Variants in BCAS1 observed in about 807,000 individuals in gnomAD.
BCAS1 encodes breast carcinoma-amplified sequence 1.
In BCAS1, 46 loss-of-function variants were observed where a neutral mutation model predicts 65.4. That is an observed-to-expected ratio of 0.70 (90% confidence interval 0.55 to 0.90). The LOEUF is 0.90. Among genes scored for constraint, BCAS1 ranks in the 40% least tolerant of loss-of-function variants. BCAS1 has a pLI of 0.00. For synonymous variants in BCAS1, 298 were observed against 293.5 expected (o/e 1.02, Z -0.16); for missense variants, 793 against 771.2 (o/e 1.03, Z -0.33).
intron 4 of BCAS1, among the ~76,000 whole-genome samples, chr20:54,022,082 A>G (rs2091572373): frequency 6.6e-6 from 1 of 152,194 alleles, no homozygotes; most frequent in Admixed American, 6.5e-5. Context: ...GTACTCCTGC[A>G]TACTTGGAAT....
At chr20:54,058,237 G>C in intron 2 of BCAS1, 83 bp from the exon 3 acceptor site, 2 of 1,223,746 alleles carry the variant, frequency 1.6e-6, no homozygotes, top group Non-Finnish European at 2.4e-6. Flanking sequence ...AAGATACAAG[G>C]GTGTCTCACA....
At chr20:54,006,653 T>C (rs1021830091) in intron 4 of BCAS1, among the ~76,000 whole-genome samples, 1 of 149,668 alleles carries the variant, frequency 6.7e-6, no homozygotes, top group Non-Finnish European at 1.5e-5. Flanking sequence ...GAGGTTGCAG[T>C]GAGCCAAGAT....
At chr20:53,999,813 C>A (rs558416743) in intron 4 of BCAS1, among the ~76,000 whole-genome samples, 167 of 152,280 alleles carry the variant, frequency 1.1e-3, no homozygotes, top group African/African-American at 3.8e-3. Flanking sequence ...TCACTGCAAC[C>A]TCTGTCTCCC....
intron 4 of BCAS1, among the ~76,000 whole-genome samples, chr20:54,024,754 G>A (rs1370341748): frequency 6.6e-6 from 1 of 152,188 alleles, no homozygotes; most frequent in Non-Finnish European, 1.5e-5. Context: ...CACTGTGTCG[G>A]ATTCAACTTG....
At chr20:53,956,026 C>T (rs1208486978) in intron 11 of BCAS1, among the ~76,000 whole-genome samples, 2 of 152,176 alleles carry the variant, frequency 1.3e-5, no homozygotes, top group African/African-American at 2.4e-5. Flanking sequence ...ACAGTCATTA[C>T]CGTCCATTTG....
At chr20:53,976,396 T>C (rs2090335107) in intron 8 of BCAS1, among the ~76,000 whole-genome samples, 1 of 152,158 alleles carries the variant, frequency 6.6e-6, no homozygotes, top group Admixed American at 6.5e-5. Context: ...AAGAACTCTG[T>C]CTATATCCAT....
At chr20:54,059,275 A>C (rs1173251598) in intron 1 of BCAS1, among the ~76,000 whole-genome samples, 1 of 152,254 alleles carries the variant, frequency 6.6e-6, no homozygotes, top group East Asian at 1.9e-4. Flanking sequence ...CAACAGAATT[A>C]AAGTTAAATG....
At chr20:54,057,605 A>G (rs554180343) in intron 3 of BCAS1, among the ~76,000 whole-genome samples, 40 of 152,352 alleles carry the variant, frequency 2.6e-4, no homozygotes, top group African/African-American at 9.4e-4. Context: ...ATTGCCCCCA[A>G]AGATGCTGAA....
intron 7 of BCAS1, among the ~76,000 whole-genome samples, chr20:53,989,987 C>A (rs978707222): frequency 6.6e-6 from 1 of 152,130 alleles, no homozygotes; most frequent in Non-Finnish European, 1.5e-5. Flanking sequence ...GGTGGCCCTG[C>A]CCATGAAATT....
chr20:53,945,050 G>T, intron 12 of BCAS1, 54 bp from the exon 13 acceptor site: 1 of 1,436,622 alleles, frequency 7.0e-7, no homozygotes, highest in Non-Finnish European at 9.8e-7. Context: ...AATGTCAACA[G>T]CAACAATGGC....
intron 4 of BCAS1, among the ~76,000 whole-genome samples, chr20:54,017,106 TA>T (rs1223857105): frequency 2.0e-5 from 3 of 152,064 alleles, no homozygotes; most frequent in Non-Finnish European, 4.4e-5. Context: ...GTTGTTCACA[TA>T]GGGGGAGGGG....
intron 3 of BCAS1, 109 bp from the exon 4 acceptor site, chr20:54,029,081 T>G: frequency 6.9e-7 from 1 of 1,452,576 alleles, no homozygotes. Context: ...ATACTGGAAC[T>G]GTGTTGTTCT....
At chr20:54,021,796 G>A (rs867200284) in intron 4 of BCAS1, among the ~76,000 whole-genome samples, 8 of 152,218 alleles carry the variant, frequency 5.3e-5, no homozygotes, top group African/African-American at 1.9e-4. Flanking sequence ...CCTAGGTGAT[G>A]GGATGATAGG....
At chr20:53,991,990 C>A (rs1039273330) in intron 7 of BCAS1, among the ~76,000 whole-genome samples, 4 of 152,156 alleles carry the variant, frequency 2.6e-5, no homozygotes, top group African/African-American at 9.7e-5. Context: ...CTACCATTGG[C>A]CAATTAATCA....
rs1391284796 is a variant in BCAS1 at position 54,041,908 on chromosome 20, C to CAA, written c.143-12937_143-12936insTT. ...AGTTCAGAGTGAGACTCTGTCTCCC[C>CAA]CAAAAAAAAAAAAAAAAAAAAAAGA... is the stretch of plus-strand genomic sequence containing the variant. On this transcript the variant is annotated intron_variant, in intron 3 of 12. Coordinates refer to ENST00000688948, the MANE Select transcript of BCAS1 (RefSeq NM_001366298.2). 9.4e-3 allele frequency among the ~76,000 whole-genome samples: 631 copies of CAA among 67,222 alleles called. 70 individuals are homozygous for CAA. Among genetic ancestry groups the CAA allele is most frequent in the African/African-American group, 0.029 (537 of 18,536 alleles). The allele number at this position is 67,222 out of a possible 152,430, so 44.1% of individuals were successfully genotyped here. A position where few individuals can be genotyped will look rare whatever the true frequency, so the allele number is the denominator to read the frequency against.
rs572187613 is a variant in BCAS1, at chr20:53,967,474, G to A, written c.1318-401C>T. 2.6e-5 allele frequency among the ~76,000 whole-genome samples: 4 copies of A among 152,266 alleles called. No homozygotes were observed. The South Asian group carries it at 6.2e-4, about 24-fold the overall frequency. On this transcript the variant is annotated intron_variant, in intron 9 of 12. Transcript: ENST00000688948. The stretch of plus-strand genomic sequence containing the variant: ...TTCTTAAGAGTCCAACGTTAGAGAC[G>A]GTAACCATGACAGCTTCCAGTTCTC...
At chr20:53,957,731 A>G (rs2089745517) in intron 10 of BCAS1, among the ~76,000 whole-genome samples, 1 of 152,220 alleles carries the variant, frequency 6.6e-6, no homozygotes, top group Non-Finnish European at 1.5e-5. Flanking sequence ...AAAGTACTAA[A>G]TCCTGGAATT....
In BCAS1 at chr20:53,992,566, C is replaced by T; in HGVS notation, c.1008G>A (p.Lys336=). Residue 336 remains lysine (K), a synonymous_variant, in exon 7 of 13, where the codon AAG becomes AAA. Transcript: ENST00000688948. The part of the protein sequence containing the change: ...SEIQARGTKK[K]HLDSPRLGLA... ...GTCCTAGCCTGGGGCTATCCAGGTG[C>T]TTTTTCTTGGTGCCTCTAGCCTGGA... The T allele has an allele frequency of 7.3e-7, 1 of 1,365,100 alleles. No individual in the cohort carries two copies. The highest frequency in any genetic ancestry group is 9.8e-7 in the Non-Finnish European group (1 of 1,021,568). The allele number at this position is 1,365,100 out of a possible 1,614,324, so 84.6% of individuals were successfully genotyped here. A position where few individuals can be genotyped will look rare whatever the true frequency, so the allele number is the denominator to read the frequency against.
At chr20:54,066,220 C>T (rs2092440083) in intron 1 of BCAS1, among the ~76,000 whole-genome samples, 2 of 152,160 alleles carry the variant, frequency 1.3e-5, no homozygotes, top group African/African-American at 2.4e-5. Context: ...CTACAGGCGC[C>T]TGCCACCACG....
Sources: gnomAD v4.1 joint callset for allele counts (sites outside exome capture counted in the v4.1 genomes callset) on GRCh38, gnomAD v4.1.1 for gene constraint, MANE v1.5 for transcripts, NCBI Gene and HGNC (gene_info 2026-07-23, HGNC 2026-07-21) for gene names.